Variants in PTPRN2 observed in about 807,000 individuals in gnomAD.
PTPRN2 encodes receptor-type tyrosine-protein phosphatase N2.
Under a neutral mutation model 118.8 loss-of-function variants are expected in PTPRN2, and 74 were observed. That is an observed-to-expected ratio of 0.62 (90% CI 0.52 to 0.76). The LOEUF (loss-of-function observed/expected upper bound fraction) is 0.76, where lower values mean the gene tolerates loss of function less well. Ranked by LOEUF, PTPRN2 falls within the 30% of genes least tolerant of loss-of-function variation. The probability of loss-of-function intolerance (pLI) is 0.00; values close to 1 mark genes in which losing one functional copy is unlikely to be tolerated. For missense variants in PTPRN2, 1,481 were observed against 1,394.4 expected (o/e 1.06, Z -0.99); for synonymous variants, 641 against 608.0 (o/e 1.05, Z -0.80).
intron 1 of PTPRN2, among the ~76,000 whole-genome samples, chr7:158,586,442 G>A (rs1828928311): frequency 6.6e-6 from 1 of 152,144 alleles, no homozygotes; most frequent in Non-Finnish European, 1.5e-5. Context: ...CTGGGCAACG[G>A]CGAAGGACCC....
chr7:158,109,488 T>G (rs1483800272), intron 10 of PTPRN2, among the ~76,000 whole-genome samples: 1 of 151,122 alleles, frequency 6.6e-6, no homozygotes, highest in Non-Finnish European at 1.5e-5. Flanking sequence ...ATCACCCCTG[T>G]GTGAAGGGGC....
intron 2 of PTPRN2, among the ~76,000 whole-genome samples, chr7:158,481,564 A>G (rs1455566564): frequency 6.6e-6 from 1 of 152,240 alleles, no homozygotes; most frequent in Non-Finnish European, 1.5e-5. Flanking sequence ...TCCCAGGTTC[A>G]AGCAATTCCT....
At chr7:158,480,129 C>T (rs558713398) in intron 2 of PTPRN2, among the ~76,000 whole-genome samples, 3 of 152,326 alleles carry the variant, frequency 2.0e-5, no homozygotes, top group South Asian at 2.1e-4. Flanking sequence ...TGTTCCACGT[C>T]GCGGGGGTTG....
chr7:157,593,131 CT>C (rs769703454), intron 17 of PTPRN2, among the ~76,000 whole-genome samples: 3 of 129,176 alleles, frequency 2.3e-5, no homozygotes, highest in Admixed American at 8.1e-5. Flanking sequence ...ACCTGCTGAA[CT>C]GAGAGTGGAT....
At chr7:157,658,143 C>G (rs370754250) in intron 13 of PTPRN2, among the ~76,000 whole-genome samples, 1 of 151,490 alleles carries the variant, frequency 6.6e-6, no homozygotes, top group Non-Finnish European at 1.5e-5. Flanking sequence ...CAGTAGCCTT[C>G]GTTGGGTGGC....
chr7:158,384,089 T>C (rs774758593), intron 2 of PTPRN2, among the ~76,000 whole-genome samples: 15 of 152,190 alleles, frequency 9.9e-5, no homozygotes, highest in Admixed American at 3.9e-4. Flanking sequence ...TGGTCATCCA[T>C]GTCCCTCACA....
rs773414803 is a variant in PTPRN2 at position 158,129,244 on chromosome 7, GACACCCCACACTAC to G, written c.1556+4419_1556+4432del. On this transcript the variant is annotated intron_variant, in intron 9 of 22. Coordinates refer to ENST00000389418, the MANE Select transcript of PTPRN2 (RefSeq NM_002847.5). ...AGCACACCACACACGACACACAACA[GACACCCCACACTAC>G]ACACCACACACTACACACCACACAC... is the stretch of plus-strand genomic sequence containing the variant. 3.1e-3 allele frequency among the ~76,000 whole-genome samples: 385 copies of G among 123,748 alleles called. 2 individuals are homozygous for G. The highest frequency in any genetic ancestry group is 0.01 in the African/African-American group (312 of 29,984). 81.2% of individuals were successfully genotyped at this position (123,748 alleles called of 152,430 possible).
At chr7:157,835,457 C>G (rs1006819403) in intron 12 of PTPRN2, among the ~76,000 whole-genome samples, 11 of 152,306 alleles carry the variant, frequency 7.2e-5, no homozygotes, top group African/African-American at 2.4e-4. Context: ...CCGCAAAGCT[C>G]TTCGAGAATC....
At chr7:157,564,778 G>A (rs1393452330) in intron 21 of PTPRN2, among the ~76,000 whole-genome samples, 1 of 152,256 alleles carries the variant, frequency 6.6e-6, no homozygotes, top group Non-Finnish European at 1.5e-5. Context: ...ACAGCCAAGA[G>A]ATAAGAGAAT....
intron 11 of PTPRN2, among the ~76,000 whole-genome samples, chr7:158,074,964 C>G (rs1313718391): frequency 6.6e-6 from 1 of 152,234 alleles, no homozygotes; most frequent in Non-Finnish European, 1.5e-5. Flanking sequence ...CGAGTGTCCC[C>G]CACATGCGGC....
intron 12 of PTPRN2, among the ~76,000 whole-genome samples, chr7:157,807,306 C>G (rs1450965708): frequency 6.6e-6 from 1 of 152,158 alleles, no homozygotes; most frequent in African/African-American, 2.4e-5. Context: ...AAGGAAATCC[C>G]GGCCCATTGG....
chr7:158,506,984 T>A (rs1486198581), intron 1 of PTPRN2, among the ~76,000 whole-genome samples: 2 of 152,118 alleles, frequency 1.3e-5, no homozygotes, highest in African/African-American at 4.8e-5. Flanking sequence ...ATACCAGGGA[T>A]TCCAACCTGA....
chr7:157,741,851 T>C (rs1400930602), intron 12 of PTPRN2, among the ~76,000 whole-genome samples: 1 of 152,230 alleles, frequency 6.6e-6, no homozygotes, highest in East Asian at 1.9e-4. Context: ...CAGTTACTTC[T>C]CTGCTCATCT....
At chr7:157,814,057 T>C (rs1039391155) in intron 12 of PTPRN2, among the ~76,000 whole-genome samples, 10 of 152,238 alleles carry the variant, frequency 6.6e-5, no homozygotes, top group African/African-American at 2.4e-4. Context: ...GAGGCAGTGG[T>C]CGCCACACCC....
chr7:157,849,467 C>T (rs1274668559), intron 12 of PTPRN2, among the ~76,000 whole-genome samples: 1 of 152,216 alleles, frequency 6.6e-6, no homozygotes, highest in African/African-American at 2.4e-5. Flanking sequence ...ACTGCTTGTA[C>T]CCTTCCCGAG....
chr7:158,053,022 C>T (rs1179202218), intron 11 of PTPRN2, among the ~76,000 whole-genome samples: 1 of 152,224 alleles, frequency 6.6e-6, no homozygotes, highest in Non-Finnish European at 1.5e-5. Context: ...CCCATCGATC[C>T]CACCCTGGCG....
chr7:158,213,609 C>G (rs1827764937), intron 3 of PTPRN2, among the ~76,000 whole-genome samples: 1 of 152,018 alleles, frequency 6.6e-6, no homozygotes, highest in Non-Finnish European at 1.5e-5. Flanking sequence ...ATAATCAAGT[C>G]TATCCCATTT....
chr7:158,334,702 G>C (rs1422156230), intron 2 of PTPRN2, among the ~76,000 whole-genome samples: 2 of 31,992 alleles, frequency 6.3e-5, no homozygotes, highest in African/African-American at 1.1e-4. Flanking sequence ...CACCATAAGA[G>C]GTGACACCTG....
chr7:157,744,553 A>G (rs902336108), intron 12 of PTPRN2, among the ~76,000 whole-genome samples: 3 of 152,370 alleles, frequency 2.0e-5, no homozygotes, highest in African/African-American at 7.2e-5. Context: ...TTAAAACACA[A>G]ATAGAGGTAT....
Sources: allele counts gnomAD v4.1 joint callset (sites outside exome capture counted in the v4.1 genomes callset), GRCh38; gene constraint gnomAD v4.1.1; transcripts MANE v1.5; gene names NCBI Gene and HGNC (gene_info 2026-07-23, HGNC 2026-07-21).